Variants in RAB28 observed in about 807,000 individuals in gnomAD.
RAB28 encodes RAB28, member RAS oncogene family.
A neutral mutation model predicts 31.7 loss-of-function variants in RAB28; 24 were observed. That is an observed-to-expected ratio of 0.76 (90% CI 0.55 to 1.06). RAB28 has a LOEUF of 1.06. Among genes scored for constraint, RAB28 ranks in the 50% least tolerant of loss-of-function variants. The pLI is 0.00. For synonymous variants in RAB28, 100 were observed against 90.4 expected (o/e 1.11, Z -0.60); for missense variants, 254 against 258.5 (o/e 0.98, Z 0.12).
rs957658868 is a variant in RAB28 at position 13,370,743 on chromosome 4, C to T, written c.574-2093G>A. The stretch of plus-strand genomic sequence containing the variant: ...CATACTTCCAAATTCCATACAGAAA[C>T]AAACAAGTTCAAAATGCAGTTGCAG... On this transcript the variant is annotated intron_variant, in intron 6 of 6. Transcript: ENST00000330852. 3.1e-5 allele frequency: 31 copies of T among 984,668 alleles called. No homozygotes were observed. In the African/African-American group the frequency reaches 5.4e-4, roughly 17 times the overall value. 61.0% of individuals were successfully genotyped at this position (984,668 alleles called of 1,614,324 possible). A position where few individuals can be genotyped will look rare whatever the true frequency, so the allele number is the denominator to read the frequency against.
intron 5 of RAB28, among the ~76,000 whole-genome samples, chr4:13,380,569 C>CT (rs1313068817): frequency 1.3e-5 from 2 of 151,982 alleles, no homozygotes; most frequent in Non-Finnish European, 2.9e-5. Flanking sequence ...AGTGAAGTAT[C>CT]TTTTTTCTTT....
intron 4 of RAB28, among the ~76,000 whole-genome samples, chr4:13,456,195 T>A (rs1410101507): frequency 2.0e-5 from 3 of 152,090 alleles, no homozygotes; most frequent in South Asian, 2.1e-4. Context: ...CAACACATAA[T>A]ATAAGAACTA....
At chr4:13,444,132 A>G (rs1169143727) in intron 4 of RAB28, among the ~76,000 whole-genome samples, 2 of 149,240 alleles carry the variant, frequency 1.3e-5, no homozygotes, top group Non-Finnish European at 3.0e-5. Context: ...GGTTCACGCC[A>G]TTCTCCTGCC....
At chr4:13,434,981 T>C (rs1714011712) in intron 4 of RAB28, among the ~76,000 whole-genome samples, 1 of 138,830 alleles carries the variant, frequency 7.2e-6, no homozygotes, top group Non-Finnish European at 1.5e-5. Flanking sequence ...ATCACGCCAC[T>C]GTACTCCAGC....
intron 4 of RAB28, among the ~76,000 whole-genome samples, chr4:13,423,168 G>A (rs1053236044): frequency 6.6e-6 from 1 of 152,138 alleles, no homozygotes; most frequent in African/African-American, 2.4e-5. Context: ...ATCAGGTGCA[G>A]CAAACTGTAG....
At chr4:13,390,404 G>T (rs934836625) in intron 4 of RAB28, among the ~76,000 whole-genome samples, 10 of 152,056 alleles carry the variant, frequency 6.6e-5, no homozygotes, top group East Asian at 3.9e-4. Context: ...CACTGCTCAA[G>T]GAAATAAAAG....
intron 5 of RAB28, among the ~76,000 whole-genome samples, chr4:13,378,014 G>C (rs1416793664): frequency 6.6e-6 from 1 of 152,138 alleles, no homozygotes; most frequent in African/African-American, 2.4e-5. Flanking sequence ...TGTTAAATTG[G>C]GCAGCCTATT....
intron 4 of RAB28, among the ~76,000 whole-genome samples, chr4:13,416,411 G>A (rs1157184826): frequency 2.0e-5 from 3 of 152,154 alleles, no homozygotes; most frequent in South Asian, 2.1e-4. Context: ...TTTAAGAACT[G>A]TAACACTCAC....
intron 3 of RAB28, among the ~76,000 whole-genome samples, chr4:13,472,998 T>C (rs1422171137): frequency 6.6e-6 from 1 of 151,848 alleles, no homozygotes; most frequent in Non-Finnish European, 1.5e-5. Flanking sequence ...GTATAAAAGA[T>C]AAGAGCTTTA....
intron 1 of RAB28, among the ~76,000 whole-genome samples, chr4:13,482,224 T>TA (rs1179575376): frequency 6.6e-6 from 1 of 151,978 alleles, no homozygotes; most frequent in African/African-American, 2.4e-5. Flanking sequence ...TAAACAGAGA[T>TA]AAAAAACCAT....
chr4:13,371,446 A>C, intron 6 of RAB28: 1 of 985,346 alleles, frequency 1.0e-6, no homozygotes, highest in Non-Finnish European at 1.2e-6. Flanking sequence ...TTTAAGTCTT[A>C]TCCTATAAAC....
chr4:13,374,138 C>A (rs1030150377), intron 6 of RAB28, among the ~76,000 whole-genome samples: 1 of 152,064 alleles, frequency 6.6e-6, no homozygotes, highest in Admixed American at 6.6e-5. Flanking sequence ...TCTTGCTATA[C>A]ACAAAGAATT....
intron 5 of RAB28, among the ~76,000 whole-genome samples, chr4:13,381,117 G>C (rs936960166): frequency 6.6e-6 from 1 of 151,806 alleles, no homozygotes; most frequent in Non-Finnish European, 1.5e-5. Flanking sequence ...GAGATAATCA[G>C]AGTAGTACAA....
chr4:13,445,670 G>A (rs1714655565), intron 4 of RAB28, among the ~76,000 whole-genome samples: 2 of 152,188 alleles, frequency 1.3e-5, no homozygotes, highest in African/African-American at 4.8e-5. Flanking sequence ...GTTCGCCTGG[G>A]TATCACCAGT....
intron 5 of RAB28, among the ~76,000 whole-genome samples, chr4:13,378,462 A>G (rs1216223983): frequency 6.6e-6 from 1 of 152,228 alleles, no homozygotes; most frequent in East Asian, 1.9e-4. Flanking sequence ...AAGAAGAACT[A>G]GAGACAATTC....
At chr4:13,399,017 T>C (rs1200231994) in intron 4 of RAB28, among the ~76,000 whole-genome samples, 1 of 152,118 alleles carries the variant, frequency 6.6e-6, no homozygotes, top group Non-Finnish European at 1.5e-5. Context: ...TCTATAGGCA[T>C]TTTACACATA....
At chr4:13,368,739 C>T (rs1253079516) in intron 6 of RAB28, 89 bp from the exon 7 acceptor site, 3 of 1,069,288 alleles carry the variant, frequency 2.8e-6, no homozygotes, top group African/African-American at 1.7e-5. Context: ...CTGAACTTTG[C>T]TGAACTTCTG....
intron 4 of RAB28, among the ~76,000 whole-genome samples, chr4:13,437,509 A>C (rs373008747): frequency 1.1e-4 from 16 of 152,056 alleles, no homozygotes; most frequent in African/African-American, 3.6e-4. Flanking sequence ...ATTTAAGTCA[A>C]GGAAAAAAAA....
chr4:13,392,670 A>G (rs1488080525), intron 4 of RAB28, among the ~76,000 whole-genome samples: 2 of 152,296 alleles, frequency 1.3e-5, no homozygotes, highest in Admixed American at 6.5e-5. Context: ...AGTTGCTAAG[A>G]GAATAGATTT....
Sources: allele counts gnomAD v4.1 joint callset (sites outside exome capture counted in the v4.1 genomes callset), GRCh38; gene constraint gnomAD v4.1.1; transcripts MANE v1.5; gene names NCBI Gene and HGNC (gene_info 2026-07-23, HGNC 2026-07-21).